NALF1: variants seen among roughly 807,000 people sequenced by gnomAD.
NALF1 encodes the protein NALCN channel auxiliary factor 1.
Under a neutral mutation model 48.4 loss-of-function variants are expected in NALF1, and 3 were observed. The ratio of observed to expected loss-of-function variants is 0.06; its 90% CI spans 0.03 to 0.16. NALF1 has a LOEUF of 0.16. NALF1 is among the 10% of genes least tolerant of loss of function. The pLI is 1.00. For missense variants in NALF1, 526 were observed against 571.5 expected, an observed-to-expected ratio of 0.92 and a Z score of 0.81; for synonymous variants, 262 against 245.7, an observed-to-expected ratio of 1.07 and a Z score of -0.62.
intron 1 of NALF1, among the ~76,000 whole-genome samples, chr13:107,668,567 T>C (rs1880915949): frequency 6.6e-6 from 1 of 152,076 alleles, no homozygotes; most frequent in Non-Finnish European, 1.5e-5. Flanking sequence ...TTTGTTTCAA[T>C]ATTTGCAATA....
intron 1 of NALF1, among the ~76,000 whole-genome samples, chr13:107,841,882 G>A (rs1475746761): frequency 2.0e-5 from 3 of 151,510 alleles, no homozygotes; most frequent in Non-Finnish European, 4.4e-5. Context: ...AAAATCATAC[G>A]GAGAAATATG....
intron 1 of NALF1, among the ~76,000 whole-genome samples, chr13:107,754,918 C>A (rs1204565436): frequency 6.6e-6 from 1 of 152,134 alleles, no homozygotes; most frequent in Non-Finnish European, 1.5e-5. Context: ...TTTAAAACTT[C>A]TTTTCATGTT....
chr13:107,181,831 T>C (rs1406760745), intron 2 of NALF1, among the ~76,000 whole-genome samples: 3 of 152,138 alleles, frequency 2.0e-5, no homozygotes, highest in South Asian at 4.1e-4. Context: ...AAATATGACA[T>C]TCTTTGTCGT....
chr13:107,576,175 T>C (rs1239208135), intron 1 of NALF1, among the ~76,000 whole-genome samples: 1 of 152,150 alleles, frequency 6.6e-6, no homozygotes, highest in Non-Finnish European at 1.5e-5. Flanking sequence ...AGTCTTTAGC[T>C]TTATTATTTA....
At chr13:107,805,323 T>C (rs1035586434) in intron 1 of NALF1, among the ~76,000 whole-genome samples, 3 of 152,202 alleles carry the variant, frequency 2.0e-5, no homozygotes, top group Non-Finnish European at 2.9e-5. Flanking sequence ...TCATCAATAA[T>C]TGACCCTCAA....
intron 1 of NALF1, among the ~76,000 whole-genome samples, chr13:107,856,503 C>T (rs535814857): frequency 7.2e-5 from 11 of 152,236 alleles, no homozygotes; most frequent in Non-Finnish European, 1.2e-4. Flanking sequence ...TCCTGTCTAA[C>T]TCTAGGGTAA....
At chr13:107,702,971 C>A (rs1371017183) in intron 1 of NALF1, among the ~76,000 whole-genome samples, 1 of 152,096 alleles carries the variant, frequency 6.6e-6, no homozygotes, top group Non-Finnish European at 1.5e-5. Flanking sequence ...GTTGGTTTCA[C>A]GTCTTTGCTA....
chr13:107,267,994 T>G (rs1881077461), intron 1 of NALF1, among the ~76,000 whole-genome samples: 1 of 147,566 alleles, frequency 6.8e-6, no homozygotes, highest in African/African-American at 2.5e-5. Flanking sequence ...TTTTTTTTTT[T>G]TTTTTTTTTT....
intron 1 of NALF1, among the ~76,000 whole-genome samples, chr13:107,575,436 C>A (rs559129435): frequency 1.3e-5 from 2 of 152,264 alleles, no homozygotes; most frequent in African/African-American, 4.8e-5. Flanking sequence ...ATCCCATGAG[C>A]CCCTTTCTAC....
intron 1 of NALF1, among the ~76,000 whole-genome samples, chr13:107,222,138 A>G (rs375208514): frequency 5.4e-4 from 82 of 152,324 alleles, no homozygotes; most frequent in African/African-American, 1.8e-3. Flanking sequence ...TTAATTAGGA[A>G]GGAGCCAGAA....
At chr13:107,621,397 G>C (rs1306313914) in intron 1 of NALF1, among the ~76,000 whole-genome samples, 1 of 152,140 alleles carries the variant, frequency 6.6e-6, no homozygotes, top group Non-Finnish European at 1.5e-5. Flanking sequence ...TGTGAACTGT[G>C]AGAAGATGGC....
intron 1 of NALF1, among the ~76,000 whole-genome samples, chr13:107,779,192 A>G (rs1320793574): frequency 6.6e-6 from 1 of 152,200 alleles, no homozygotes; most frequent in Non-Finnish European, 1.5e-5. Context: ...TGATCTAAAT[A>G]AGGGATGGAT....
intron 1 of NALF1, among the ~76,000 whole-genome samples, chr13:107,213,407 CCA>C: frequency 6.6e-6 from 1 of 152,182 alleles, no homozygotes; most frequent in East Asian, 1.9e-4. Context: ...CGGCCAGGCT[CCA>C]CGGTGGCATC....
chr13:107,560,309 A>AG (rs1566393450), intron 1 of NALF1, among the ~76,000 whole-genome samples: 1 of 152,210 alleles, frequency 6.6e-6, no homozygotes, highest in East Asian at 1.9e-4. Context: ...GGATGGGACT[A>AG]GGGGGGAATG....
At chr13:107,286,600 A>AG in intron 1 of NALF1, among the ~76,000 whole-genome samples, 1 of 149,792 alleles carries the variant, frequency 6.7e-6, no homozygotes, top group Non-Finnish European at 1.5e-5. Context: ...AAAAAAAAAA[A>AG]AAAAGAAAGA....
chr13:107,369,244 T>A (rs1301197663), intron 1 of NALF1, among the ~76,000 whole-genome samples: 1 of 152,162 alleles, frequency 6.6e-6, no homozygotes, highest in Non-Finnish European at 1.5e-5. Context: ...ATCTCTATAT[T>A]TATGTTTCAA....
At position 107,705,941 on chromosome 13, in the gene NALF1, AAG is replaced by A. The variant is rs146858941; in HGVS notation, c.915+159739_915+159740del. 7.6e-3 allele frequency among the ~76,000 whole-genome samples: 1,148 copies of A among 151,036 alleles called. 9 individuals are homozygous for A. The highest frequency in any genetic ancestry group is 0.031 in the Middle Eastern group (9 of 294). On this transcript the variant is annotated intron_variant, in intron 1 of 2. Transcript: ENST00000375915. ...CAGCTAATACATAATGCAGATATTTAAGAGAGAGAGAGAGAGAAAGAGATAGA... is the reference window on the plus strand; with the variant it reads ...CAGCTAATACATAATGCAGATATTTAAGAGAGAGAGAGAGAAAGAGATAGA...
At chr13:107,591,262 G>A (rs533809494) in intron 1 of NALF1, among the ~76,000 whole-genome samples, 7 of 151,962 alleles carry the variant, frequency 4.6e-5, no homozygotes, top group East Asian at 1.9e-4. Flanking sequence ...CTTCCCTCCC[G>A]CAGCTTTAGT....
chr13:107,178,768 C>G (rs1878994249), intron 2 of NALF1, among the ~76,000 whole-genome samples: 1 of 150,454 alleles, frequency 6.6e-6, no homozygotes, highest in Admixed American at 6.6e-5. Flanking sequence ...ACCGTGAAAC[C>G]CCGTCTCTAC....
Sources: gnomAD v4.1 joint callset for allele counts (sites outside exome capture counted in the v4.1 genomes callset) on GRCh38, gnomAD v4.1.1 for gene constraint, MANE v1.5 for transcripts, NCBI Gene and HGNC (gene_info 2026-07-23, HGNC 2026-07-21) for gene names.